ZNF536: variants seen among roughly 807,000 people sequenced by gnomAD.
ZNF536 encodes the protein zinc finger protein 536.
Under a neutral mutation model 84.5 loss-of-function variants are expected in ZNF536, and 13 were observed. The observed-to-expected ratio is 0.15, with a 90% CI of 0.10 to 0.24. The LOEUF (loss-of-function observed/expected upper bound fraction) is 0.24, where lower values mean the gene tolerates loss of function less well. ZNF536 is among the 10% of genes least tolerant of loss of function. The pLI is 1.00. For missense variants in ZNF536, 1,536 were observed against 1,747.5 expected (o/e 0.88, Z 2.16); for synonymous variants, 811 against 742.5 (o/e 1.09, Z -1.50).
At chr19:30,625,512 T>C (rs1346394615) in intron 1 of ZNF536, among the ~76,000 whole-genome samples, 1 of 152,270 alleles carries the variant, frequency 6.6e-6, no homozygotes, top group African/African-American at 2.4e-5. Context: ...TGATATTATT[T>C]GAATTATTTT....
chr19:30,376,157 G>T (rs1016441848), intron 1 of ZNF536, among the ~76,000 whole-genome samples: 1 of 151,768 alleles, frequency 6.6e-6, no homozygotes, highest in Non-Finnish European at 1.5e-5. Flanking sequence ...GGGTACCAAG[G>T]TTTCTTTGCC....
At chr19:30,562,978 C>T (rs999936435), downstream of ZNF536, among the ~76,000 whole-genome samples, 16 of 152,172 alleles carry the variant, frequency 1.1e-4, no homozygotes, top group African/African-American at 3.9e-4. Flanking sequence ...AATCCAATTG[C>T]CTCAGTGTTA....
intron 2 of ZNF536, among the ~76,000 whole-genome samples, chr19:30,489,844 T>C (rs1157359506): frequency 5.9e-5 from 9 of 152,234 alleles, no homozygotes; most frequent in Non-Finnish European, 1.3e-4. Flanking sequence ...AAACATGGAA[T>C]ACTTTGCTGA....
chr19:30,565,991 C>T (rs1163663261), intron 1 of ZNF536, among the ~76,000 whole-genome samples: 2 of 152,190 alleles, frequency 1.3e-5, no homozygotes, highest in East Asian at 3.8e-4. Context: ...TAACGTCAGG[C>T]TGTGACCACC....
chr19:30,623,624 G>C (rs2048568471), intron 1 of ZNF536, among the ~76,000 whole-genome samples: 1 of 152,222 alleles, frequency 6.6e-6, no homozygotes, highest in African/African-American at 2.4e-5. Context: ...TGCAAGGTTG[G>C]TTTGATCCCT....
At chr19:30,248,715 T>A (rs746217872) in intron 1 of ZNF536, among the ~76,000 whole-genome samples, 3 of 152,102 alleles carry the variant, frequency 2.0e-5, no homozygotes, top group Non-Finnish European at 4.4e-5. Flanking sequence ...TGGGACAACA[T>A]GTTATTAGTA....
chr19:30,470,580 C>A (rs544186019), intron 2 of ZNF536, among the ~76,000 whole-genome samples: 4 of 152,076 alleles, frequency 2.6e-5, no homozygotes, highest in African/African-American at 9.6e-5. Context: ...GACCCCACAC[C>A]TCCCCCACTA....
At chr19:30,636,554 A>T (rs1004540472) in intron 1 of ZNF536, among the ~76,000 whole-genome samples, 6 of 152,214 alleles carry the variant, frequency 3.9e-5, no homozygotes, top group African/African-American at 1.2e-4. Flanking sequence ...GGAAGCACAG[A>T]AAGTTATTCT....
chr19:30,551,897 C>A (rs1213226202), intron 4 of ZNF536, among the ~76,000 whole-genome samples: 2 of 152,138 alleles, frequency 1.3e-5, no homozygotes. Flanking sequence ...TCATCCCACT[C>A]CCCCCATATC....
At chr19:30,327,046 A>G (rs573705166) in intron 2 of ZNF536, among the ~76,000 whole-genome samples, 7 of 152,122 alleles carry the variant, frequency 4.6e-5, no homozygotes, top group African/African-American at 1.7e-4. Context: ...GCCCAGCAAT[A>G]ACTGGAGGCT....
At chr19:30,410,188 ACTC>A (rs1461598063) in intron 1 of ZNF536, among the ~76,000 whole-genome samples, 1 of 151,832 alleles carries the variant, frequency 6.6e-6, no homozygotes, top group African/African-American at 2.4e-5. Context: ...CATTAATAAT[ACTC>A]CTAAATTCAC....
At chr19:30,399,992 C>T (rs2049983267) in intron 1 of ZNF536, among the ~76,000 whole-genome samples, 1 of 152,184 alleles carries the variant, frequency 6.6e-6, no homozygotes, top group South Asian at 2.1e-4. Context: ...CCAGCCTTGG[C>T]ATTGGCTTTT....
chr19:30,287,627 T>C (rs2045685710), intron 2 of ZNF536, among the ~76,000 whole-genome samples: 1 of 133,682 alleles, frequency 7.5e-6, no homozygotes, highest in Admixed American at 7.6e-5. Context: ...GGTGGGTGGA[T>C]GGATGGGTGG....
chr19:30,568,908 G>A (rs905218623), intron 1 of ZNF536, among the ~76,000 whole-genome samples: 1 of 152,220 alleles, frequency 6.6e-6, no homozygotes, highest in African/African-American at 2.4e-5. Flanking sequence ...CAGGGCCCCT[G>A]CTTTTACTGC....
intron 1 of ZNF536, among the ~76,000 whole-genome samples, chr19:30,409,765 T>A (rs1014733256): frequency 3.9e-5 from 6 of 152,262 alleles, no homozygotes; most frequent in African/African-American, 1.4e-4. Flanking sequence ...TTTAACAAAG[T>A]GGTACACCGT....
intron 2 of ZNF536, among the ~76,000 whole-genome samples, chr19:30,495,770 G>T (rs556547378): frequency 6.6e-6 from 1 of 152,292 alleles, no homozygotes; most frequent in African/African-American, 2.4e-5. Flanking sequence ...GTCAGGCAGT[G>T]GTTGGGGTCA....
chr19:30,229,236 A>G (rs181939671), intron 1 of ZNF536, among the ~76,000 whole-genome samples: 72 of 152,200 alleles, frequency 4.7e-4, no homozygotes, highest in African/African-American at 1.7e-3. Context: ...AGCATCATTT[A>G]TTTCTTTTGC....
intron 1 of ZNF536, among the ~76,000 whole-genome samples, chr19:30,588,697 C>A (rs185166788): frequency 6.6e-6 from 1 of 152,260 alleles, no homozygotes; most frequent in Admixed American, 6.5e-5. Context: ...AGGCCCAGAA[C>A]CTTTTCAGGC....
intron 2 of ZNF536, among the ~76,000 whole-genome samples, chr19:30,495,094 C>T (rs1347583168): frequency 6.6e-6 from 1 of 152,176 alleles, no homozygotes; most frequent in African/African-American, 2.4e-5. Flanking sequence ...CAGGTCTTGG[C>T]TTCACTATTG....
Sources: gnomAD v4.1 joint callset for allele counts (sites outside exome capture counted in the v4.1 genomes callset) on GRCh38, gnomAD v4.1.1 for gene constraint, MANE v1.5 for transcripts, NCBI Gene and HGNC (gene_info 2026-07-23, HGNC 2026-07-21) for gene names.